Variants in CHODL observed in about 807,000 individuals in gnomAD.
CHODL encodes transmembrane protein MT75.
A neutral mutation model predicts 34.5 loss-of-function variants in CHODL; 29 were observed. The observed-to-expected ratio is 0.84, with a 90% CI of 0.63 to 1.15. CHODL has a LOEUF of 1.15. Ranked by LOEUF, CHODL falls within the 50% of genes most tolerant of loss-of-function variation. The probability of loss-of-function intolerance (pLI) is 0.00; values close to 1 mark genes in which losing one functional copy is unlikely to be tolerated. For synonymous variants in CHODL, 125 were observed against 116.1 expected, an observed-to-expected ratio of 1.08 and a Z score of -0.49; for missense variants, 332 against 332.5, an observed-to-expected ratio of 1.00 and a Z score of 0.01.
rs982237110 is a variant in CHODL at position 17,998,315 on chromosome 21, C to T, written c.-144-29557C>T. Among the ~76,000 whole-genome samples, 7 of 152,184 alleles carry T rather than the reference C, an allele frequency of 4.6e-5. 1 individual carries two copies. The highest frequency in any genetic ancestry group is 1.0e-4 in the Non-Finnish European group (7 of 68,030). On this transcript the variant is annotated intron_variant, in intron 1 of 6. Transcript: ENST00000400127. ...CCCCTGTGGCTTTTCAGGGTACAGT[C>T]TCTCTCCTGGCTGCTTTCATGGGCT... is the stretch of plus-strand genomic sequence containing the variant.
At chr21:18,195,541 G>C (rs2073576988) in intron 2 of CHODL, among the ~76,000 whole-genome samples, 1 of 152,136 alleles carries the variant, frequency 6.6e-6, no homozygotes. Context: ...GATTTCACAT[G>C]TAATTGGGAT....
intron 2 of CHODL, among the ~76,000 whole-genome samples, chr21:18,068,865 A>T (rs7276319): frequency 0.025 from 3,776 of 151,986 alleles, 162 homozygotes; most frequent in African/African-American, 0.084. Flanking sequence ...TTTATTCGCA[A>T]GTTAATCTGC....
intron 2 of CHODL, among the ~76,000 whole-genome samples, chr21:18,098,179 G>A (rs2065163289): frequency 6.6e-6 from 1 of 151,984 alleles, no homozygotes; most frequent in African/African-American, 2.4e-5. Flanking sequence ...TACCCCACAA[G>A]CACAGGCAAC....
At chr21:17,988,272 C>T (rs567895504) in intron 1 of CHODL, among the ~76,000 whole-genome samples, 2 of 151,962 alleles carry the variant, frequency 1.3e-5, no homozygotes, top group Non-Finnish European at 2.9e-5. Context: ...ATGTGGCATT[C>T]AAATCCCACT....
chr21:17,992,715 GTTGTTTTTTTTT>G (rs1345553270), intron 1 of CHODL, among the ~76,000 whole-genome samples: 5 of 31,510 alleles, frequency 1.6e-4, no homozygotes, highest in African/African-American at 3.2e-4. Context: ...TTCTGGTGGA[GTTGTTTTTTTTT>G]TTTTTTTTTT....
intron 1 of CHODL, among the ~76,000 whole-genome samples, chr21:17,962,810 T>C (rs2063541098): frequency 6.6e-6 from 1 of 152,118 alleles, no homozygotes; most frequent in Non-Finnish European, 1.5e-5. Flanking sequence ...ATGCCTGTAA[T>C]CCCAGCACTT....
chr21:17,960,585 C>T (rs941462620), intron 1 of CHODL, among the ~76,000 whole-genome samples: 2 of 152,214 alleles, frequency 1.3e-5, no homozygotes, highest in Admixed American at 6.5e-5. Context: ...GTTTTGGTCT[C>T]TTTGCTCACC....
At chr21:18,099,484 A>G (rs990283206) in intron 2 of CHODL, among the ~76,000 whole-genome samples, 1 of 151,770 alleles carries the variant, frequency 6.6e-6, no homozygotes, top group South Asian at 2.1e-4. Flanking sequence ...CAAATACCTA[A>G]TATGATTTAA....
At chr21:17,959,336 T>G (rs2063515424) in intron 1 of CHODL, among the ~76,000 whole-genome samples, 1 of 152,180 alleles carries the variant, frequency 6.6e-6, no homozygotes. Context: ...CACTACGTTT[T>G]TGGTGTTTAA....
chr21:18,125,021 G>C (rs2065524925), intron 2 of CHODL, among the ~76,000 whole-genome samples: 1 of 152,184 alleles, frequency 6.6e-6, no homozygotes, highest in South Asian at 2.1e-4. Context: ...CTACCTTTCA[G>C]TAAATATACA....
intron 2 of CHODL, among the ~76,000 whole-genome samples, chr21:18,165,157 G>A (rs1207782491): frequency 1.3e-5 from 2 of 152,262 alleles, no homozygotes; most frequent in East Asian, 1.9e-4. Context: ...AAACAAAAAC[G>A]CCTCCAGACA....
At chr21:18,058,382 C>G (rs117680359) in intron 2 of CHODL, among the ~76,000 whole-genome samples, 1,543 of 152,218 alleles carry the variant, frequency 0.01, 17 homozygotes, top group Non-Finnish European at 0.016. Flanking sequence ...ATCAGTGTAT[C>G]AAAGAGATAG....
intron 2 of CHODL, among the ~76,000 whole-genome samples, chr21:18,059,905 A>G (rs2064636626): frequency 1.3e-5 from 2 of 152,100 alleles, no homozygotes; most frequent in South Asian, 2.1e-4. Flanking sequence ...CTGTAATCTG[A>G]GTCAGAGCCC....
chr21:18,053,837 C>T (rs1487320292), intron 2 of CHODL, among the ~76,000 whole-genome samples: 1 of 151,778 alleles, frequency 6.6e-6, no homozygotes, highest in African/African-American at 2.4e-5. Context: ...CTAACCACTA[C>T]ACATTTTCAG....
chr21:18,147,280 C>T (rs1009934043), intron 2 of CHODL, among the ~76,000 whole-genome samples: 2 of 152,206 alleles, frequency 1.3e-5, no homozygotes, highest in Non-Finnish European at 2.9e-5. Context: ...GCAAACTATT[C>T]TCTGGAAGAT....
At chr21:18,046,245 G>A (rs1035271545) in intron 2 of CHODL, among the ~76,000 whole-genome samples, 1 of 151,900 alleles carries the variant, frequency 6.6e-6, no homozygotes, top group Non-Finnish European at 1.5e-5. Flanking sequence ...ATGAGTCATG[G>A]GAAGCGGTTA....
intron 1 of CHODL, among the ~76,000 whole-genome samples, chr21:18,249,284 C>T (rs2074206860): frequency 6.6e-6 from 1 of 150,502 alleles, no homozygotes; most frequent in Non-Finnish European, 1.5e-5. Context: ...GTTTCTTTTA[C>T]TATTTTAACA....
chr21:18,167,403 A>G (rs902498669), intron 2 of CHODL, among the ~76,000 whole-genome samples: 1 of 143,380 alleles, frequency 7.0e-6, no homozygotes. Context: ...TCCGCCTCCC[A>G]GGTTCACCCC....
chr21:18,188,011 C>A (rs550475344), intron 2 of CHODL, among the ~76,000 whole-genome samples: 2 of 152,126 alleles, frequency 1.3e-5, no homozygotes, highest in African/African-American at 4.8e-5. Context: ...CAGCACTACA[C>A]GAAGATTATG....
Sources: allele counts gnomAD v4.1 joint callset (sites outside exome capture counted in the v4.1 genomes callset), GRCh38; gene constraint gnomAD v4.1.1; transcripts MANE v1.5; gene names NCBI Gene and HGNC (gene_info 2026-07-23, HGNC 2026-07-21).